CHODL: variants seen among roughly 807,000 people sequenced by gnomAD.
The protein encoded by CHODL is transmembrane protein MT75.
CHODL carries 29 observed loss-of-function variants against 34.5 expected under a neutral mutation model. The ratio of observed to expected loss-of-function variants is 0.84; its 90% CI spans 0.63 to 1.15. The LOEUF (loss-of-function observed/expected upper bound fraction) is 1.15, where lower values mean the gene tolerates loss of function less well. CHODL is among the 50% of genes most tolerant of loss of function. The probability of loss-of-function intolerance (pLI) is 0.00; values close to 1 mark genes in which losing one functional copy is unlikely to be tolerated. For missense variants in CHODL, 332 were observed against 332.5 expected (o/e 1.00, Z 0.01); for synonymous variants, 125 against 116.1 (o/e 1.08, Z -0.49).
chr21:18,028,275 TCC>T (rs149126007), intron 2 of CHODL, among the ~76,000 whole-genome samples: 3,592 of 29,498 alleles, frequency 0.12, 218 homozygotes, highest in African/African-American at 0.23. Flanking sequence ...TTTTTCCTTT[TCC>T]CCTTCCTTCC....
chr21:18,043,841 C>T (rs769137351), intron 2 of CHODL, among the ~76,000 whole-genome samples: 5 of 151,814 alleles, frequency 3.3e-5, no homozygotes, highest in South Asian at 2.1e-4. Context: ...TGGCGGAAGG[C>T]GAAAGGCATG....
At chr21:17,951,522 A>T (rs1186815241) in intron 1 of CHODL, among the ~76,000 whole-genome samples, 1 of 151,276 alleles carries the variant, frequency 6.6e-6, no homozygotes, top group African/African-American at 2.4e-5. Flanking sequence ...AAAAGACTGT[A>T]TCCACACAAA....
chr21:18,054,421 C>A (rs1176921304), intron 2 of CHODL, among the ~76,000 whole-genome samples: 1 of 151,872 alleles, frequency 6.6e-6, no homozygotes, highest in Admixed American at 6.6e-5. Context: ...TTAGATATAA[C>A]AAAATACTAT....
intron 5 of CHODL, among the ~76,000 whole-genome samples, chr21:18,263,168 T>C (rs998271976): frequency 6.6e-6 from 1 of 152,154 alleles, no homozygotes; most frequent in Admixed American, 6.5e-5. Flanking sequence ...GTACCATAGT[T>C]AGTGTCCACG....
chr21:18,189,958 A>G (rs900611449), intron 2 of CHODL, among the ~76,000 whole-genome samples: 2 of 152,112 alleles, frequency 1.3e-5, no homozygotes, highest in Non-Finnish European at 2.9e-5. Flanking sequence ...TTTAAAGTGC[A>G]ATAGAAAATA....
rs568195169 is a variant in CHODL, at chr21:18,079,758, G to T, written c.-45+51787G>T. Among the ~76,000 whole-genome samples the T allele has an allele frequency of 4.9e-5, 4 of 81,924 alleles. No individual in the cohort carries two copies. In the South Asian group the frequency reaches 9.2e-4, roughly 19 times the overall value. 53.7% of individuals were successfully genotyped at this position (81,924 alleles called of 152,430 possible). On this transcript the variant is annotated intron_variant, in intron 2 of 6. Transcript: ENST00000400127. ...TTCTGATGTAATAATACCTACTCGT[G>T]TATGCTTATCACAGTACTATTCACA...
At chr21:18,101,690 T>A (rs1292406552) in intron 2 of CHODL, among the ~76,000 whole-genome samples, 2 of 150,168 alleles carry the variant, frequency 1.3e-5, no homozygotes, top group Non-Finnish European at 3.0e-5. Flanking sequence ...ATTTTCAGTA[T>A]GACAATCTAT....
At position 18,208,940 on chromosome 21, in the gene CHODL, C is replaced by A. The variant is rs1387924817; in HGVS notation, c.-44-47569C>A. 6.1e-5 allele frequency among the ~76,000 whole-genome samples: 9 copies of A among 148,176 alleles called. No individual in the cohort carries two copies. The Admixed American group carries it at 6.1e-4, about 10-fold the overall frequency. ...GGTTACACTAGCAGCTCTGTGGCCT[C>A]CACCACCGGAACTGTGCTGGATCAT... On this transcript the variant is annotated intron_variant, in intron 2 of 6. Transcript: ENST00000400127.
chr21:17,971,473 T>C lies in CHODL; in HGVS notation c.-145+54073T>C, dbSNP rs145737576. 2.9e-3 allele frequency among the ~76,000 whole-genome samples: 441 copies of C among 152,360 alleles called. 4 individuals are homozygous for C. Among genetic ancestry groups the C allele is most frequent in the African/African-American group, 0.01 (433 of 41,592 alleles). ...TCATTGTGGTTTTGTATTGCATTTC[T>C]CTAATGACCAGTGATGATGACCTTT... On this transcript the variant is annotated intron_variant, in intron 1 of 6. Coordinates refer to the CHODL transcript ENST00000400127.
intron 2 of CHODL, among the ~76,000 whole-genome samples, chr21:18,227,825 TG>T (rs1479129671): frequency 6.6e-6 from 1 of 152,204 alleles, no homozygotes; most frequent in African/African-American, 2.4e-5. Flanking sequence ...TGCAATACTT[TG>T]TTGGGAATAT....
chr21:17,979,732 AT>A (rs1019012345), intron 1 of CHODL, among the ~76,000 whole-genome samples: 10 of 152,174 alleles, frequency 6.6e-5, no homozygotes, highest in Non-Finnish European at 1.2e-4. Flanking sequence ...TTGAGGAATT[AT>A]GTTTTGTATT....
At chr21:17,939,040 C>T (rs1388967088) in intron 1 of CHODL, among the ~76,000 whole-genome samples, 1 of 152,156 alleles carries the variant, frequency 6.6e-6, no homozygotes, top group African/African-American at 2.4e-5. Context: ...AATGCAAACA[C>T]ATTAAAATTG....
At chr21:17,945,270 A>G (rs1404670086) in intron 1 of CHODL, among the ~76,000 whole-genome samples, 1 of 152,010 alleles carries the variant, frequency 6.6e-6, no homozygotes, top group Non-Finnish European at 1.5e-5. Flanking sequence ...GGGGATCTAT[A>G]AAATGACTAA....
intron 2 of CHODL, among the ~76,000 whole-genome samples, chr21:18,216,125 GT>G (rs561810205): frequency 6.7e-6 from 1 of 149,048 alleles, no homozygotes; most frequent in Non-Finnish European, 1.5e-5. Flanking sequence ...TTTCTTTCTT[GT>G]TTTTTTATGG....
Position 18,228,933 on chromosome 21 carries a change from T to C in CHODL, c.-44-27576T>C, listed in dbSNP as rs151310089. Among the ~76,000 whole-genome samples the C allele has an allele frequency of 3.8e-3, 575 of 152,294 alleles. 3 individuals are homozygous for C. The highest frequency in any genetic ancestry group is 6.2e-3 in the Non-Finnish European group (420 of 68,010). ...GCAGCTAGTGTGCAGTTTTTACCAA[T>C]GCCTTCCTAATTTACCATACAAAGA... On this transcript the variant is annotated intron_variant, in intron 2 of 6. Coordinates refer to the CHODL transcript ENST00000400127.
At chr21:18,034,096 G>A (rs2064280622) in intron 2 of CHODL, among the ~76,000 whole-genome samples, 1 of 151,808 alleles carries the variant, frequency 6.6e-6, no homozygotes, top group South Asian at 2.1e-4. Context: ...TGTTTCTCTT[G>A]TTCATATTAT....
chr21:17,979,261 A>G lies in CHODL; in HGVS notation c.-144-48611A>G, dbSNP rs187050513. 1.1e-3 allele frequency among the ~76,000 whole-genome samples: 163 copies of G among 152,304 alleles called. 2 individuals are homozygous for G. The highest frequency in any genetic ancestry group is 3.7e-3 in the African/African-American group (154 of 41,570). ...GTGGAAGAAGGAAAAACTTTTCTCA[A>G]TTTAGAAGTCTATTTGAGAGAGTTC... On this transcript the variant is annotated intron_variant, in intron 1 of 6. Coordinates refer to the CHODL transcript ENST00000400127.
intron 2 of CHODL, among the ~76,000 whole-genome samples, chr21:18,191,222 C>T (rs2073506818): frequency 6.6e-6 from 1 of 152,110 alleles, no homozygotes; most frequent in South Asian, 2.1e-4. Context: ...GAACTCAGAG[C>T]ACATAAATGT....
At position 17,921,857 on chromosome 21, in the gene CHODL, TTTAAA is replaced by T. The variant is rs776379453; in HGVS notation, c.-145+4462_-145+4466del. On this transcript the variant is annotated intron_variant, in intron 1 of 6. Transcript: ENST00000400127. ...TGATGCAGCATGTGGACAGCAGATG[TTTAAA>T]TTAATCATACTGTGAGTAGTAATAA... Among the ~76,000 whole-genome samples the T allele has an allele frequency of 4.6e-5, 7 of 152,328 alleles. No homozygotes were observed. The East Asian group carries it at 1.4e-3, about 29-fold the overall frequency.
Sources: gnomAD v4.1 joint callset for allele counts (sites outside exome capture counted in the v4.1 genomes callset) on GRCh38, gnomAD v4.1.1 for gene constraint, MANE v1.5 for transcripts, NCBI Gene and HGNC (gene_info 2026-07-23, HGNC 2026-07-21) for gene names.